The following CDH12 variants were observed in gnomAD, a reference collection of about 807,000 sequenced individuals.
CDH12 encodes the protein cadherin-12.
A neutral mutation model predicts 74.1 loss-of-function variants in CDH12; 41 were observed. The observed-to-expected ratio is 0.55, with a 90% CI of 0.43 to 0.72. CDH12 has a LOEUF of 0.72. Among genes scored for constraint, CDH12 ranks in the 30% least tolerant of loss-of-function variants. The pLI, the probability that CDH12 is intolerant of heterozygous loss-of-function variation, is 0.00. For synonymous variants in CDH12, 399 were observed against 355.0 expected, an observed-to-expected ratio of 1.12 and a Z score of -1.39; for missense variants, 945 against 977.2, an observed-to-expected ratio of 0.97 and a Z score of 0.44.
chr5:22,571,563 G>A (rs1182738783), intron 1 of CDH12, among the ~76,000 whole-genome samples: 1 of 152,208 alleles, frequency 6.6e-6, no homozygotes, highest in African/African-American at 2.4e-5. Context: ...CTGACCTCAG[G>A]TGTTCCACCC....
chr5:22,564,130 C>A (rs950558768), intron 1 of CDH12, among the ~76,000 whole-genome samples: 1 of 152,190 alleles, frequency 6.6e-6, no homozygotes, highest in African/African-American at 2.4e-5. Flanking sequence ...TATCAATTTT[C>A]TGATCATTTT....
At chr5:22,358,265 T>C (rs1740647825) in intron 3 of CDH12, among the ~76,000 whole-genome samples, 1 of 151,888 alleles carries the variant, frequency 6.6e-6, no homozygotes, top group African/African-American at 2.4e-5. Context: ...AAAAATTAGT[T>C]GGGTGTGGTG....
At chr5:22,641,585 T>C (rs1166763922) in intron 1 of CDH12, among the ~76,000 whole-genome samples, 2 of 152,070 alleles carry the variant, frequency 1.3e-5, no homozygotes, top group African/African-American at 4.8e-5. Context: ...AAACTGACCA[T>C]CATACCTGCT....
intron 1 of CDH12, among the ~76,000 whole-genome samples, chr5:22,602,216 T>TCTCACC (rs1736885024): frequency 6.6e-6 from 1 of 152,094 alleles, no homozygotes; most frequent in African/African-American, 2.4e-5. Context: ...CTTCCTTGGA[T>TCTCACC]TATGTTGATT....
intron 4 of CDH12, among the ~76,000 whole-genome samples, chr5:22,106,477 T>A (rs1744450388): frequency 6.6e-6 from 1 of 152,202 alleles, no homozygotes; most frequent in African/African-American, 2.4e-5. Flanking sequence ...CATGTAATAA[T>A]GTTATATAAT....
intron 3 of CDH12, among the ~76,000 whole-genome samples, chr5:22,284,685 C>T (rs1466741702): frequency 1.3e-5 from 2 of 152,112 alleles, no homozygotes; most frequent in Admixed American, 6.6e-5. Flanking sequence ...AGAAACAAGT[C>T]TACACCATCC....
At chr5:22,570,531 T>A (rs907695485) in intron 1 of CDH12, among the ~76,000 whole-genome samples, 3 of 151,734 alleles carry the variant, frequency 2.0e-5, no homozygotes, top group Non-Finnish European at 4.4e-5. Context: ...AAAAAAAAAA[T>A]AACATTTATA....
intron 6 of CDH12, among the ~76,000 whole-genome samples, chr5:21,870,812 G>A (rs1409030327): frequency 1.3e-5 from 2 of 152,110 alleles, no homozygotes; most frequent in African/African-American, 4.8e-5. Context: ...GCCTACTGCA[G>A]CCCCAACCTG....
At chr5:22,241,489 T>C (rs1030321599) in intron 3 of CDH12, among the ~76,000 whole-genome samples, 3 of 152,178 alleles carry the variant, frequency 2.0e-5, no homozygotes, top group East Asian at 3.9e-4. Flanking sequence ...TACACAAATA[T>C]TTCTCAGATT....
At chr5:21,836,355 ATGAG>A (rs1213930407) in intron 8 of CDH12, among the ~76,000 whole-genome samples, 6 of 151,598 alleles carry the variant, frequency 4.0e-5, no homozygotes, top group Non-Finnish European at 5.9e-5. Context: ...TGTTGTATTT[ATGAG>A]TAAGAAATTT....
chr5:22,141,351 G>A (rs1026248160), intron 4 of CDH12: 19 of 152,298 alleles, frequency 1.2e-4, no homozygotes, highest in Admixed American at 9.2e-4. Context: ...AGTTAGTCTC[G>A]TGAGAGAGGT....
At chr5:22,347,061 A>G (rs1463173681) in intron 3 of CDH12, among the ~76,000 whole-genome samples, 1 of 152,216 alleles carries the variant, frequency 6.6e-6, no homozygotes, top group Non-Finnish European at 1.5e-5. Context: ...TTTCTAAAGG[A>G]TAAAAGTGAT....
chr5:21,772,504 T>C (rs1745374539), intron 11 of CDH12, among the ~76,000 whole-genome samples: 1 of 152,186 alleles, frequency 6.6e-6, no homozygotes, highest in Non-Finnish European at 1.5e-5. Context: ...TTTTACCTTC[T>C]TACTATTGAT....
At chr5:22,024,191 C>T (rs575403460) in intron 5 of CDH12, among the ~76,000 whole-genome samples, 3 of 152,218 alleles carry the variant, frequency 2.0e-5, no homozygotes, top group South Asian at 2.1e-4. Context: ...ACTACATATA[C>T]GGAAGATAAT....
intron 1 of CDH12, among the ~76,000 whole-genome samples, chr5:22,617,365 A>C (rs1459272140): frequency 1.3e-5 from 2 of 152,132 alleles, no homozygotes; most frequent in Non-Finnish European, 2.9e-5. Flanking sequence ...GACCCAATCT[A>C]TAAGATTCTA....
intron 1 of CDH12, among the ~76,000 whole-genome samples, chr5:22,803,167 TGC>T (rs1286486361): frequency 5.9e-5 from 9 of 152,314 alleles, no homozygotes; most frequent in Admixed American, 3.9e-4. Context: ...GTAAAAAGAC[TGC>T]GTTTATAAAA....
rs70959715 is a variant in CDH12, at chr5:22,315,119, C to CTTTTTTT, written c.-333+90131_-333+90137dup. Among the ~76,000 whole-genome samples, 56 of 22,996 alleles carry CTTTTTTT rather than the reference C, an allele frequency of 2.4e-3. 14 individuals are homozygous for CTTTTTTT. The highest frequency in any genetic ancestry group is 0.011 in the African/African-American group (49 of 4,522). 15.1% of individuals were successfully genotyped at this position (22,996 alleles called of 152,430 possible). ...GGCGCCTGCCACCGTGCCTGCCTGG[C>CTTTTTTT]TTTTTTTTTTTTTTTTTTTTTTTTA... On this transcript the variant is annotated intron_variant, in intron 3 of 14. Coordinates refer to ENST00000382254, the MANE Select transcript of CDH12 (RefSeq NM_004061.5).
At chr5:22,846,848 T>C (rs1737326250) in intron 1 of CDH12, among the ~76,000 whole-genome samples, 1 of 152,208 alleles carries the variant, frequency 6.6e-6, no homozygotes, top group Admixed American at 6.5e-5. Context: ...TTTATACCTC[T>C]TTCCCTCATC....
At chr5:21,951,097 A>C (rs1755839999) in intron 6 of CDH12, among the ~76,000 whole-genome samples, 1 of 151,790 alleles carries the variant, frequency 6.6e-6, no homozygotes, top group Non-Finnish European at 1.5e-5. Flanking sequence ...CAGCTACATA[A>C]ATTTTAAAAA....
Sources: allele counts gnomAD v4.1 joint callset (sites outside exome capture counted in the v4.1 genomes callset), GRCh38; gene constraint gnomAD v4.1.1; transcripts MANE v1.5; gene names NCBI Gene and HGNC (gene_info 2026-07-23, HGNC 2026-07-21).